Variants in EGLN3 observed in about 807,000 individuals in gnomAD.
EGLN3 encodes the protein prolyl hydroxylase EGLN3.
Under a neutral mutation model 26.0 loss-of-function variants are expected in EGLN3, and 15 were observed. The observed-to-expected ratio is 0.58, with a 90% CI of 0.39 to 0.89. The LOEUF (loss-of-function observed/expected upper bound fraction) is 0.89, where lower values mean the gene tolerates loss of function less well. Ranked by LOEUF, EGLN3 falls within the 40% of genes least tolerant of loss-of-function variation. EGLN3 has a pLI of 0.00. For missense variants in EGLN3, 238 were observed against 311.6 expected, an observed-to-expected ratio of 0.76 and a Z score of 1.78; for synonymous variants, 147 against 127.2, an observed-to-expected ratio of 1.16 and a Z score of -1.05.
chr14:33,934,688 C>T (rs1039549287), intron 1 of EGLN3, among the ~76,000 whole-genome samples: 8 of 152,128 alleles, frequency 5.3e-5, no homozygotes, highest in Non-Finnish European at 8.8e-5. Context: ...GGGGATACAC[C>T]CACCCTGCCG....
chr14:33,936,679 G>A (rs2064445048), intron 1 of EGLN3, among the ~76,000 whole-genome samples: 2 of 151,272 alleles, frequency 1.3e-5, no homozygotes, highest in South Asian at 4.2e-4. Flanking sequence ...CTCTAGATCT[G>A]AAATTCTCCT....
intron 1 of EGLN3, chr14:33,949,644 G>A (rs966518966): frequency 6.6e-6 from 1 of 152,136 alleles, no homozygotes; most frequent in South Asian, 2.1e-4. Flanking sequence ...TACCACCCAG[G>A]GAGTCACTTC....
chr14:33,950,029 G>A (rs979840561), intron 1 of EGLN3: 4 of 526,774 alleles, frequency 7.6e-6, no homozygotes, highest in East Asian at 3.0e-5. Context: ...AAGATCATGA[G>A]GACACGTGTG....
At chr14:33,948,973 A>T (rs992447602) in intron 1 of EGLN3, 9 of 152,248 alleles carry the variant, frequency 5.9e-5, no homozygotes, top group African/African-American at 2.2e-4. Context: ...AAGACGAGTG[A>T]CTAATCCACC....
intron 2 of EGLN3, among the ~76,000 whole-genome samples, chr14:33,929,652 A>G (rs2064387939): frequency 1.3e-5 from 2 of 152,168 alleles, no homozygotes; most frequent in Non-Finnish European, 2.9e-5. Flanking sequence ...ACGCCCAGCC[A>G]CTTCGTACCA....
rs200243696 is a variant in EGLN3, at chr14:33,945,342, C to T, written c.357+5054G>A. 2.6e-5 allele frequency among the ~76,000 whole-genome samples: 4 copies of T among 152,306 alleles called. No homozygotes were observed. The East Asian group carries it at 7.7e-4, about 29-fold the overall frequency. ...AAACTCTGTGCTCTAAGAGCTATAACTCTCATGGGCCCTGGCAACCATATT... is the reference window on the plus strand; with the variant it reads ...AAACTCTGTGCTCTAAGAGCTATAATTCTCATGGGCCCTGGCAACCATATT... On this transcript the variant is annotated intron_variant, in intron 1 of 4. Transcript: ENST00000250457.
chr14:33,943,065 A>G (rs1416622468), intron 1 of EGLN3, among the ~76,000 whole-genome samples: 1 of 152,210 alleles, frequency 6.6e-6, no homozygotes, highest in African/African-American at 2.4e-5. Flanking sequence ...AGGGACAGAA[A>G]CTCACCCACA....
intron 1 of EGLN3, among the ~76,000 whole-genome samples, chr14:33,944,526 T>G (rs2064504323): frequency 6.6e-6 from 1 of 152,232 alleles, no homozygotes; most frequent in Admixed American, 6.5e-5. Flanking sequence ...AGACATTGGA[T>G]AGATGTGACT....
intron 4 of EGLN3, 107 bp from the exon 5 acceptor site, chr14:33,926,029 T>C (rs185944530): frequency 1.6e-5 from 17 of 1,058,186 alleles, no homozygotes; most frequent in African/African-American, 1.6e-4. Context: ...TCCCATCTTA[T>C]ATAAGCCTCC....
At chr14:33,934,602 T>C (rs558083175) in intron 1 of EGLN3, among the ~76,000 whole-genome samples, 13 of 152,268 alleles carry the variant, frequency 8.5e-5, no homozygotes, top group Admixed American at 5.9e-4. Context: ...GTAAAAACCA[T>C]TTCAAAAACT....
Position 33,951,055 on chromosome 14 carries a change from A to C in EGLN3, c.-303T>G, listed in dbSNP as rs2064558920. ...CGCCTTTTGGGGATGGGAAGCCACC[A>C]CTGCCGCGACTGCGGCCAGACTCCG... is the stretch of plus-strand genomic sequence containing the variant. On this transcript the variant is annotated 5_prime_UTR_variant, in exon 1 of 5. Transcript: ENST00000250457. 5.9e-6 allele frequency: 2 copies of C among 340,768 alleles called. No individual in the cohort carries two copies. The highest frequency in any genetic ancestry group is 4.2e-5 in the African/African-American group (2 of 47,178). The allele number at this position is 340,768 out of a possible 1,614,324, so 21.1% of individuals were successfully genotyped here. A position where few individuals can be genotyped will look rare whatever the true frequency, so the allele number is the denominator to read the frequency against.
chr14:33,940,394 T>G (rs1216046432), intron 1 of EGLN3, among the ~76,000 whole-genome samples: 2 of 152,160 alleles, frequency 1.3e-5, no homozygotes, highest in African/African-American at 4.8e-5. Context: ...TTTTTTTTTT[T>G]AGTTTTAGCA....
chr14:33,943,635 C>T (rs777231586), intron 1 of EGLN3, among the ~76,000 whole-genome samples: 1 of 152,158 alleles, frequency 6.6e-6, no homozygotes, highest in Non-Finnish European at 1.5e-5. Context: ...AAGCAGAGGC[C>T]TTGCCAAACC....
Position 33,931,424 on chromosome 14 carries a change from A to G in EGLN3, c.358-209T>C, listed in dbSNP as rs562901421. On this transcript the variant is annotated intron_variant, in intron 1 of 4. Coordinates refer to ENST00000250457, the MANE Select transcript of EGLN3 (RefSeq NM_022073.4). ...CATACTATGGCTCTGCCCAGTGGAA[A>G]GTAGTTCAACAATATTCCCACAGTT... The G allele has an allele frequency of 5.0e-6, 3 of 605,830 alleles. No homozygotes were observed. In the Admixed American group the frequency reaches 1.0e-4, roughly 20 times the overall value. The allele number at this position is 605,830 out of a possible 1,614,324, so 37.5% of individuals were successfully genotyped here. A position where few individuals can be genotyped will look rare whatever the true frequency, so the allele number is the denominator to read the frequency against.
chr14:33,936,166 G>T (rs1391724609), intron 1 of EGLN3, among the ~76,000 whole-genome samples: 1 of 152,064 alleles, frequency 6.6e-6, no homozygotes. Flanking sequence ...GGAAGTGGAG[G>T]TTGCAGTGAG....
At chr14:33,932,325 A>G (rs2064410469) in intron 1 of EGLN3, among the ~76,000 whole-genome samples, 1 of 152,204 alleles carries the variant, frequency 6.6e-6, no homozygotes, top group Non-Finnish European at 1.5e-5. Flanking sequence ...TACCTAGATC[A>G]ATAGCTATTT....
chr14:33,929,003 C>A (rs369578175), intron 3 of EGLN3, 73 bp downstream of exon 3: 9 of 1,568,250 alleles, frequency 5.7e-6, no homozygotes, highest in Non-Finnish European at 7.8e-6. Flanking sequence ...ACAGGACACA[C>A]GTTTAAAGAG....
intron 1 of EGLN3, among the ~76,000 whole-genome samples, chr14:33,934,393 A>G (rs947750557): frequency 6.6e-6 from 1 of 151,430 alleles, no homozygotes; most frequent in Non-Finnish European, 1.5e-5. Context: ...CAGTATAAAA[A>G]AGTGGTCCCC....
At chr14:33,931,470 T>C (rs2064403596) in intron 1 of EGLN3, 2 of 450,528 alleles carry the variant, frequency 4.4e-6, no homozygotes, top group Non-Finnish European at 7.8e-6. Flanking sequence ...TTACACAGTC[T>C]TTCTTAAAGT....
Sources: gnomAD v4.1 joint callset for allele counts (sites outside exome capture counted in the v4.1 genomes callset) on GRCh38, gnomAD v4.1.1 for gene constraint, MANE v1.5 for transcripts, NCBI Gene and HGNC (gene_info 2026-07-23, HGNC 2026-07-21) for gene names.